The following FAM117B variants were observed in gnomAD, a reference collection of about 807,000 sequenced individuals.
FAM117B encodes the protein protein FAM117B.
Under a neutral mutation model 52.8 loss-of-function variants are expected in FAM117B, and 22 were observed. The observed-to-expected ratio is 0.42, with a 90% confidence interval of 0.30 to 0.59. The LOEUF (loss-of-function observed/expected upper bound fraction) is 0.59. Ranked by LOEUF, FAM117B falls within the 20% of genes least tolerant of loss-of-function variation. The probability of loss-of-function intolerance (pLI) is 0.22; values close to 1 mark genes in which losing one functional copy is unlikely to be tolerated. For missense variants in FAM117B, 678 were observed against 802.6 expected (o/e 0.84, Z 1.88); for synonymous variants, 309 against 324.1 (o/e 0.95, Z 0.50).
intron 4 of FAM117B, among the ~76,000 whole-genome samples, chr2:202,728,685 C>T (rs1332828076): frequency 6.6e-6 from 1 of 152,088 alleles, no homozygotes; most frequent in Non-Finnish European, 1.5e-5. Flanking sequence ...AATTAAGTGG[C>T]TAGTTTTAGG....
chr2:202,672,775 C>T (rs946187201), intron 1 of FAM117B, among the ~76,000 whole-genome samples: 3 of 152,032 alleles, frequency 2.0e-5, no homozygotes, highest in Non-Finnish European at 4.4e-5. Context: ...TGGCTCATGC[C>T]TGTAATCCTA....
At chr2:202,751,200 C>T (rs953710547) in intron 4 of FAM117B, among the ~76,000 whole-genome samples, 2 of 152,190 alleles carry the variant, frequency 1.3e-5, no homozygotes, top group African/African-American at 2.4e-5. Flanking sequence ...TTACAGATCA[C>T]TCTGTGTTAC....
At chr2:202,764,047 G>A (rs895185372) in intron 7 of FAM117B, among the ~76,000 whole-genome samples, 1 of 152,172 alleles carries the variant, frequency 6.6e-6, no homozygotes. Flanking sequence ...TTGGCAGTCT[G>A]TGTGGTAAAG....
At chr2:202,644,055 TTTTTTTTTG>T (rs1170568084) in intron 1 of FAM117B, among the ~76,000 whole-genome samples, 8 of 132,614 alleles carry the variant, frequency 6.0e-5, no homozygotes, top group African/African-American at 2.1e-4. Context: ...TAGGAGCTGT[TTTTTTTTTG>T]TTTTTTTTTT....
chr2:202,748,689 G>T (rs1168743233), intron 4 of FAM117B, among the ~76,000 whole-genome samples: 1 of 151,986 alleles, frequency 6.6e-6, no homozygotes, highest in African/African-American at 2.4e-5. Context: ...TAGATTAAAT[G>T]GCCAACAAAT....
chr2:202,757,069 C>T (rs539412215), intron 5 of FAM117B, 144 bp from the exon 6 acceptor site: 10 of 830,256 alleles, frequency 1.2e-5, no homozygotes, highest in South Asian at 5.5e-5. Flanking sequence ...ATGTCACTAA[C>T]GTGCAACATG....
At position 202,645,837 on chromosome 2, in the gene FAM117B, C is replaced by T. The variant is rs111972376; in HGVS notation, c.601+10049C>T. Among the ~76,000 whole-genome samples, 710 of 152,022 alleles carry T rather than the reference C, an allele frequency of 4.7e-3. 6 individuals are homozygous for T. Among genetic ancestry groups the T allele is most frequent in the African/African-American group, 0.017 (685 of 41,448 alleles). ...GCCAGGCTGGTCTCGAACTCCTGAC[C>T]TCAGGTGATCCGCCCGCCTTGGCCT... On this transcript the variant is annotated intron_variant, in intron 1 of 7. Transcript: ENST00000392238.
At chr2:202,715,654 G>A (rs1691041161) in intron 2 of FAM117B, among the ~76,000 whole-genome samples, 1 of 152,164 alleles carries the variant, frequency 6.6e-6, no homozygotes, top group Non-Finnish European at 1.5e-5. Flanking sequence ...GCCAGGCAGA[G>A]ACGCTCCTCA....
Position 202,725,315 on chromosome 2 carries a change from T to TG in FAM117B, c.846+310dup, listed in dbSNP as rs1553521807. 1.8e-3 allele frequency: 339 copies of TG among 193,668 alleles called. 2 individuals carry two copies. The highest frequency in any genetic ancestry group is 9.6e-3 in the South Asian group (110 of 11,420). The allele number at this position is 193,668 out of a possible 1,614,324, so 12.0% of individuals were successfully genotyped here. On this transcript the variant is annotated intron_variant, in intron 3 of 7. Coordinates refer to ENST00000392238, the MANE Select transcript of FAM117B (RefSeq NM_173511.4). ...ACATTTATTCTTTTTTTTTTTTTTT[T>TG]GGGGTGTGCATGTGTGTGTGTGAGA...
At chr2:202,694,253 C>T (rs991423634) in intron 1 of FAM117B, among the ~76,000 whole-genome samples, 1 of 136,712 alleles carries the variant, frequency 7.3e-6, no homozygotes, top group South Asian at 2.3e-4. Context: ...TGCAGTGGTG[C>T]GATCTTGGCT....
chr2:202,704,853 A>C (rs1175705833), intron 2 of FAM117B, among the ~76,000 whole-genome samples: 2 of 151,900 alleles, frequency 1.3e-5, no homozygotes, highest in African/African-American at 2.4e-5. Context: ...CGCCTGCCTC[A>C]GCCTCCCAAA....
intron 1 of FAM117B, among the ~76,000 whole-genome samples, chr2:202,659,915 G>C (rs1434825765): frequency 2.0e-5 from 3 of 151,782 alleles, no homozygotes; most frequent in Non-Finnish European, 4.4e-5. Context: ...CACTGCGCCC[G>C]GCCACCACCG....
intron 1 of FAM117B, among the ~76,000 whole-genome samples, chr2:202,685,946 A>T (rs528267919): frequency 2.9e-4 from 44 of 152,372 alleles, no homozygotes; most frequent in South Asian, 2.3e-3. Context: ...TATTAAAATT[A>T]AAAAATGCTA....
intron 4 of FAM117B, among the ~76,000 whole-genome samples, chr2:202,736,295 G>A (rs1017318907): frequency 6.6e-6 from 1 of 152,168 alleles, no homozygotes; most frequent in African/African-American, 2.4e-5. Flanking sequence ...CAGCTTGGAA[G>A]AGCTGTAAAG....
intron 2 of FAM117B, among the ~76,000 whole-genome samples, chr2:202,706,690 A>G (rs758213757): frequency 1.3e-5 from 2 of 152,262 alleles, no homozygotes; most frequent in Non-Finnish European, 2.9e-5. Flanking sequence ...ACTAAAAAGT[A>G]TATTTTAATG....
chr2:202,661,590 C>T (rs1690127574), intron 1 of FAM117B, among the ~76,000 whole-genome samples: 1 of 152,066 alleles, frequency 6.6e-6, no homozygotes, highest in African/African-American at 2.4e-5. Flanking sequence ...CAGAGTCGCT[C>T]ATCCACTTGC....
chr2:202,635,786 C>A lies in FAM117B; in HGVS notation c.599C>A (p.Ala200Glu). Residue 200 changes from alanine to glutamate, a missense_variant and splice_region_variant, in exon 1 of 8, where the codon GCA becomes GAA. Physicochemically the swap from Ala to Glu is moderately radical, Grantham distance 107. Transcript: ENST00000392238. ...KRSPSAPVCK[A>E]GDKTRQPSSS... Reference sequence around the variant, plus strand: ...AGCCCCAGCGCCCCGGTTTGCAAAGCAGGTAAGTGCTGGGGGTCGCGCAGC... The same window carrying A: ...AGCCCCAGCGCCCCGGTTTGCAAAGAAGGTAAGTGCTGGGGGTCGCGCAGC... 1.4e-6 allele frequency: 2 copies of A among 1,449,190 alleles called. No homozygotes were observed. The highest frequency in any genetic ancestry group is 1.8e-6 in the Non-Finnish European group (2 of 1,102,788). The allele number at this position is 1,449,190 out of a possible 1,614,324, so 89.8% of individuals were successfully genotyped here.
At chr2:202,712,105 T>C (rs183665156) in intron 2 of FAM117B, among the ~76,000 whole-genome samples, 100 of 152,274 alleles carry the variant, frequency 6.6e-4, no homozygotes, top group African/African-American at 2.3e-3. Context: ...TTGGTAGAGA[T>C]TGCATTAAAT....
At chr2:202,740,782 T>A (rs1421048145) in intron 4 of FAM117B, among the ~76,000 whole-genome samples, 1 of 152,168 alleles carries the variant, frequency 6.6e-6, no homozygotes, top group Non-Finnish European at 1.5e-5. Flanking sequence ...GATAATTTAA[T>A]GGCTATGGAG....
Sources: allele counts gnomAD v4.1 joint callset (sites outside exome capture counted in the v4.1 genomes callset), GRCh38; gene constraint gnomAD v4.1.1; transcripts MANE v1.5; gene names NCBI Gene and HGNC (gene_info 2026-07-23, HGNC 2026-07-21).